PELI2: variants seen among roughly 807,000 people sequenced by gnomAD.
PELI2 encodes the protein E3 ubiquitin-protein ligase pellino homolog 2.
PELI2 carries 23 observed loss-of-function variants against 42.3 expected under a neutral mutation model. The ratio of observed to expected loss-of-function variants is 0.54; its 90% CI spans 0.39 to 0.77. The LOEUF (loss-of-function observed/expected upper bound fraction) is 0.77. Among genes scored for constraint, PELI2 ranks in the 30% least tolerant of loss-of-function variants. The pLI is 0.00. For synonymous variants in PELI2, 245 were observed against 212.2 expected, an observed-to-expected ratio of 1.15 and a Z score of -1.34; for missense variants, 463 against 553.2, an observed-to-expected ratio of 0.84 and a Z score of 1.64.
chr14:56,274,430 T>C (rs1566678009), intron 2 of PELI2, among the ~76,000 whole-genome samples: 1 of 152,252 alleles, frequency 6.6e-6, no homozygotes, highest in Non-Finnish European at 1.5e-5. Flanking sequence ...GATTTAATTA[T>C]TTATTTCCCT....
chr14:56,161,274 C>G (rs1048423557), intron 1 of PELI2, among the ~76,000 whole-genome samples: 1 of 150,624 alleles, frequency 6.6e-6, no homozygotes, highest in African/African-American at 2.4e-5. Context: ...TAGCATTTGT[C>G]AGGGGTCTTT....
chr14:56,148,212 C>T (rs1482036197), intron 1 of PELI2, among the ~76,000 whole-genome samples: 1 of 152,208 alleles, frequency 6.6e-6, no homozygotes, highest in African/African-American at 2.4e-5. Context: ...AATCTGACTT[C>T]TCTTTTCTAT....
chr14:56,282,860 A>G (rs1028164984), intron 3 of PELI2, among the ~76,000 whole-genome samples: 2 of 152,056 alleles, frequency 1.3e-5, no homozygotes, highest in African/African-American at 2.4e-5. Context: ...ATTATTTTCA[A>G]TTTATAAGTT....
chr14:56,196,517 GA>G (rs933612854), intron 2 of PELI2, among the ~76,000 whole-genome samples: 2 of 152,052 alleles, frequency 1.3e-5, no homozygotes, highest in African/African-American at 4.8e-5. Context: ...GTGGCTGAAA[GA>G]AAAAAATCTG....
chr14:56,166,617 T>C (rs1884973533), intron 1 of PELI2, among the ~76,000 whole-genome samples: 1 of 152,210 alleles, frequency 6.6e-6, no homozygotes, highest in Non-Finnish European at 1.5e-5. Flanking sequence ...TTCTTCATCT[T>C]TGAAGGATTT....
At chr14:56,192,084 A>T (rs12879613) in intron 2 of PELI2, among the ~76,000 whole-genome samples, 59,405 of 152,116 alleles carry the variant, frequency 0.39, 12,675 homozygotes, top group South Asian at 0.52. Flanking sequence ...TGAACTGCTG[A>T]CCTCAAGTGA....
At chr14:56,158,342 A>T (rs781145035) in intron 1 of PELI2, among the ~76,000 whole-genome samples, 7 of 149,142 alleles carry the variant, frequency 4.7e-5, no homozygotes, top group Non-Finnish European at 7.4e-5. Context: ...TTCTTATTTT[A>T]ATTTAATTTA....
intron 1 of PELI2, among the ~76,000 whole-genome samples, chr14:56,173,134 T>TC (rs1054310646): frequency 2.0e-5 from 3 of 152,074 alleles, no homozygotes; most frequent in African/African-American, 4.8e-5. Context: ...CCTCCATGCC[T>TC]CCCCCCGGAT....
At chr14:56,247,977 C>T (rs1482474637) in intron 2 of PELI2, among the ~76,000 whole-genome samples, 1 of 152,064 alleles carries the variant, frequency 6.6e-6, no homozygotes, top group Non-Finnish European at 1.5e-5. Flanking sequence ...CTAAAAATGC[C>T]CACTGTTTTA....
intron 2 of PELI2, among the ~76,000 whole-genome samples, chr14:56,260,064 T>C (rs192926714): frequency 2.6e-5 from 4 of 152,294 alleles, no homozygotes; most frequent in African/African-American, 7.2e-5. Flanking sequence ...AAAATTGATA[T>C]ACATTCAGCA....
chr14:56,290,825 G>GT (rs1310122387), intron 5 of PELI2, among the ~76,000 whole-genome samples: 1 of 152,172 alleles, frequency 6.6e-6, no homozygotes, highest in Non-Finnish European at 1.5e-5. Context: ...AAAACAATTA[G>GT]TAAAAATTAT....
chr14:56,210,798 C>A (rs1442444158), intron 2 of PELI2, among the ~76,000 whole-genome samples: 1 of 152,078 alleles, frequency 6.6e-6, no homozygotes, highest in Non-Finnish European at 1.5e-5. Context: ...CAGTCTGGGT[C>A]CCTGTGGTCG....
intron 1 of PELI2, among the ~76,000 whole-genome samples, chr14:56,161,438 C>A (rs1884762408): frequency 1.3e-5 from 2 of 152,054 alleles, no homozygotes; most frequent in African/African-American, 4.8e-5. Context: ...CCACACCCAG[C>A]TAAGTTTTGT....
At chr14:56,150,181 C>T (rs1489657659) in intron 1 of PELI2, among the ~76,000 whole-genome samples, 2 of 152,162 alleles carry the variant, frequency 1.3e-5, no homozygotes. Flanking sequence ...GGGATTAAGT[C>T]CCTGGCAGCA....
At chr14:56,260,744 C>T (rs1888682452) in intron 2 of PELI2, among the ~76,000 whole-genome samples, 1 of 152,224 alleles carries the variant, frequency 6.6e-6, no homozygotes, top group Non-Finnish European at 1.5e-5. Flanking sequence ...GAAGCGAACA[C>T]ACTCTTTTTC....
chr14:56,156,016 A>T (rs1047951942), intron 1 of PELI2, among the ~76,000 whole-genome samples: 6 of 152,202 alleles, frequency 3.9e-5, no homozygotes, highest in Non-Finnish European at 5.9e-5. Context: ...TATTTAGGAA[A>T]ATGATAATAG....
chr14:56,255,226 G>A (rs552944412), intron 2 of PELI2, among the ~76,000 whole-genome samples: 77 of 152,270 alleles, frequency 5.1e-4, no homozygotes, highest in Non-Finnish European at 9.9e-4. Flanking sequence ...GCAAAGACTT[G>A]GAACCAACCC....
intron 3 of PELI2, among the ~76,000 whole-genome samples, chr14:56,287,775 TG>T (rs1214308217): frequency 1.3e-5 from 2 of 152,226 alleles, no homozygotes; most frequent in African/African-American, 4.8e-5. Flanking sequence ...GGAAGCAAGC[TG>T]AGCTAAGTGA....
At chr14:56,194,511 G>A (rs1411804089) in intron 2 of PELI2, among the ~76,000 whole-genome samples, 1 of 152,176 alleles carries the variant, frequency 6.6e-6, no homozygotes, top group Admixed American at 6.5e-5. Flanking sequence ...TTTGTGAATG[G>A]ACTGATGGAT....
Sources: gnomAD v4.1 joint callset for allele counts (sites outside exome capture counted in the v4.1 genomes callset) on GRCh38, gnomAD v4.1.1 for gene constraint, MANE v1.5 for transcripts, NCBI Gene and HGNC (gene_info 2026-07-23, HGNC 2026-07-21) for gene names.